The following WNK2 variants were observed in gnomAD, a reference collection of about 807,000 sequenced individuals.
WNK2 encodes the protein WNK lysine deficient protein kinase 2, also known as serine/threonine-protein kinase WNK2.
WNK2 carries 67 observed loss-of-function variants against 192.1 expected under a neutral mutation model. The observed-to-expected ratio is 0.35, with a 90% CI of 0.29 to 0.43. WNK2 has a LOEUF of 0.43. WNK2 is among the 20% of genes least tolerant of loss of function. WNK2 has a pLI of 1.00. For synonymous variants in WNK2, 1,439 were observed against 1,393.9 expected, an observed-to-expected ratio of 1.03 and a Z score of -0.72; for missense variants, 2,698 against 3,089.7, an observed-to-expected ratio of 0.87 and a Z score of 3.01.
chr9:93,202,091 C>G (rs1261051479), intron 2 of WNK2, among the ~76,000 whole-genome samples: 2 of 152,228 alleles, frequency 1.3e-5, no homozygotes, highest in African/African-American at 2.4e-5. Context: ...TACGTAGTTC[C>G]TGGCCTCCAG....
rs1023146880 is a variant in WNK2 at position 93,264,053 on chromosome 9, G to C, written c.3696+20G>C. ...TATATGGTGAGGCTGGGTCTGGGTGGCTTGGCTCCCGGTGTTTCTTGGACA... is the reference window on the plus strand; with the variant it reads ...TATATGGTGAGGCTGGGTCTGGGTGCCTTGGCTCCCGGTGTTTCTTGGACA... On this transcript the variant is annotated intron_variant, in intron 16 of 29. Transcript: ENST00000427277. The C allele has an allele frequency of 1.0e-5, 16 of 1,582,606 alleles. No individual in the cohort carries two copies. The highest frequency in any genetic ancestry group is 1.4e-5 in the Non-Finnish European group (16 of 1,155,648).
intron 2 of WNK2, among the ~76,000 whole-genome samples, chr9:93,202,529 G>A (rs115660609): frequency 0.019 from 2,941 of 152,168 alleles, 93 homozygotes; most frequent in African/African-American, 0.066. Context: ...TGGGAGGGGC[G>A]GGAACTGCTG....
At position 93,184,969 on chromosome 9, in the gene WNK2, C is replaced by G. The variant is rs1298800136; in HGVS notation, c.40C>G (p.Leu14Val). Residue 14 changes from leucine (L) to valine (V), a missense_variant, in exon 2 of 30, where the codon CTG becomes GTG. By Grantham distance (32) the Leu-to-Val change is conservative. Around this residue, in one of 7 missense-constraint regions of WNK2, gnomAD observed 260 missense variants for 285.6 expected, o/e 0.91. Coordinates refer to ENST00000427277, the MANE Select transcript of WNK2 (RefSeq NM_006648.4). ...DGGRRDVPGT[L>V]MEPGRGAGPA... ...CGGCCGCCGAGACGTCCCCGGCACG[C>G]TGATGGAGCCCGGGCGCGGCGCGGG... 7.3e-6 allele frequency: 9 copies of G among 1,237,446 alleles called. No homozygotes were observed. The East Asian group carries it at 2.6e-4, about 35-fold the overall frequency. 76.7% of individuals were successfully genotyped at this position (1,237,446 alleles called of 1,614,324 possible). A position where few individuals can be genotyped will look rare whatever the true frequency, so the allele number is the denominator to read the frequency against.
rs574637507 is a variant in WNK2, at chr9:93,256,167, G to A, written c.2035-132G>A. 7 of 1,139,248 alleles carry A rather than the reference G, an allele frequency of 6.1e-6. No individual in the cohort carries two copies. In the African/African-American group the frequency reaches 8.0e-5, roughly 13 times the overall value. The allele number at this position is 1,139,248 out of a possible 1,614,324, so 70.6% of individuals were successfully genotyped here. Reference sequence around the variant, plus strand: ...CCAGGGCTCCCTCACTGCTTCTGCTGTCATGTTCCTGGGAAGAGGGACCCT... The same window carrying A: ...CCAGGGCTCCCTCACTGCTTCTGCTATCATGTTCCTGGGAAGAGGGACCCT... On this transcript the variant is annotated intron_variant, in intron 9 of 29. Transcript: ENST00000427277.
At chr9:93,265,446 G>C (rs1171005581) in intron 16 of WNK2, among the ~76,000 whole-genome samples, 1 of 152,216 alleles carries the variant, frequency 6.6e-6, no homozygotes, top group African/African-American at 2.4e-5. Flanking sequence ...CTGAAGACAT[G>C]ATGGGGCCTA....
intron 2 of WNK2, among the ~76,000 whole-genome samples, chr9:93,225,560 C>T (rs1837664608): frequency 6.6e-6 from 1 of 152,186 alleles, no homozygotes; most frequent in African/African-American, 2.4e-5. Flanking sequence ...CAGTAGGTAA[C>T]TGCTGTTAAA....
intron 14 of WNK2, 149 bp from the exon 15 acceptor site, chr9:93,263,417 T>G: frequency 1.1e-6 from 1 of 878,296 alleles, no homozygotes; most frequent in Non-Finnish European, 1.6e-6. Context: ...GAAGCAGGCT[T>G]GGGGTATTCG....
At chr9:93,201,392 C>T (rs60142142) in intron 2 of WNK2, among the ~76,000 whole-genome samples, 14,008 of 152,292 alleles carry the variant, frequency 0.092, 833 homozygotes, top group Non-Finnish European at 0.13. Context: ...CCCCTGCGTG[C>T]CTTCCTGGTT....
chr9:93,255,919 A>G (rs1843218551), intron 9 of WNK2, among the ~76,000 whole-genome samples: 1 of 152,030 alleles, frequency 6.6e-6, no homozygotes, highest in South Asian at 2.1e-4. Context: ...TTCTCTCCAT[A>G]TCGTCTGTGA....
intron 8 of WNK2, among the ~76,000 whole-genome samples, chr9:93,248,151 G>C (rs992348328): frequency 6.6e-6 from 1 of 152,246 alleles, no homozygotes; most frequent in African/African-American, 2.4e-5. Flanking sequence ...CTTCCAGGGT[G>C]GTGGGGCCAG....
chr9:93,220,571 C>G (rs765078416), intron 2 of WNK2, among the ~76,000 whole-genome samples: 1 of 152,184 alleles, frequency 6.6e-6, no homozygotes, highest in Non-Finnish European at 1.5e-5. Flanking sequence ...GATGGCGTGT[C>G]ACTGCTGTTG....
At chr9:93,192,354 T>C (rs2131012334) in intron 2 of WNK2, among the ~76,000 whole-genome samples, 1 of 149,648 alleles carries the variant, frequency 6.7e-6, no homozygotes, top group Non-Finnish European at 1.5e-5. Flanking sequence ...GGAATCATGG[T>C]GTGGCAGCAG....
chr9:93,184,449 C>CCCCCTCCCCGCGCG (rs1828882729), intron 1 of WNK2, among the ~76,000 whole-genome samples, 64 bp downstream of exon 1: 2 of 151,754 alleles, frequency 1.3e-5, no homozygotes, highest in Non-Finnish European at 1.5e-5. Flanking sequence ...GGCGCTGCAG[C>CCCCCTCCCCGCGCG]CCCCTCCCCG....
chr9:93,306,602 CCTCT>C (rs1296880484), intron 26 of WNK2, 171 bp from the exon 27 acceptor site: 7 of 752,574 alleles, frequency 9.3e-6, no homozygotes, highest in Non-Finnish European at 1.6e-5. Context: ...GAGCCTGCAC[CCTCT>C]CTCCAGGGGC....
chr9:93,259,466 C>A lies in WNK2; in HGVS notation c.2918C>A (p.Thr973Lys). ...CAACCTGTGTTGCCCCCGCAACCCA[C>A]ACGGCCCCCTCAACCTGTGCTGCCC... Reference protein sequence around the residue: ...PPQPVLPPQPTRPPQPVLPPQ... With the variant: ...PPQPVLPPQPKRPPQPVLPPQ... The change falls in exon 12 of 30, where the codon ACA becomes AAA. Residue 973 changes from threonine to lysine, a missense_variant. Transcript: ENST00000427277. The surrounding 1 kb of genome is among the most constrained non-coding windows in gnomAD (Gnocchi z 4.8). The A allele has an allele frequency of 1.3e-6, 2 of 1,484,280 alleles. No individual in the cohort carries two copies. The highest frequency in any genetic ancestry group is 1.8e-6 in the Non-Finnish European group (2 of 1,120,308). 91.9% of individuals were successfully genotyped at this position (1,484,280 alleles called of 1,614,324 possible).
chr9:93,206,082 A>G (rs1056619074), intron 2 of WNK2, among the ~76,000 whole-genome samples: 1 of 152,134 alleles, frequency 6.6e-6, no homozygotes, highest in Non-Finnish European at 1.5e-5. Context: ...CATTTTATAG[A>G]TGAGGAAACT....
rs1163752017 is a variant in WNK2, at chr9:93,269,006, G to A, written c.4033+260G>A. 4 of 1,452,586 alleles carry A rather than the reference G, an allele frequency of 2.8e-6. No individual in the cohort carries two copies. The East Asian group carries it at 9.9e-5, about 36-fold the overall frequency. The allele number at this position is 1,452,586 out of a possible 1,614,324, so 90.0% of individuals were successfully genotyped here. A position where few individuals can be genotyped will look rare whatever the true frequency, so the allele number is the denominator to read the frequency against. On this transcript the variant is annotated intron_variant, in intron 19 of 29. Coordinates refer to ENST00000427277, the MANE Select transcript of WNK2 (RefSeq NM_006648.4). ...AGGTGGCTCGCATGGCCATATAGGTGTGTGTTGAAGAGCTCCGCTGTCCTT... is the reference window on the plus strand; with the variant it reads ...AGGTGGCTCGCATGGCCATATAGGTATGTGTTGAAGAGCTCCGCTGTCCTT...
At chr9:93,202,957 A>T (rs984732936) in intron 2 of WNK2, among the ~76,000 whole-genome samples, 1 of 152,046 alleles carries the variant, frequency 6.6e-6, no homozygotes, top group African/African-American at 2.4e-5. Context: ...TTTGCGAGGC[A>T]CCCAGGCTGG....
At chr9:93,238,209 G>T (rs1373729502) in intron 5 of WNK2, 24 bp from the exon 6 acceptor site, 1 of 1,612,958 alleles carries the variant, frequency 6.2e-7, no homozygotes, top group Non-Finnish European at 8.5e-7. Flanking sequence ...ATCGGGTCAG[G>T]TAACTCTGCT....
Sources: gnomAD v4.1 joint callset for allele counts (sites outside exome capture counted in the v4.1 genomes callset) on GRCh38, gnomAD v4.1.1 for gene constraint, gnomAD v4.1.1 regional missense constraint, Gnocchi (gnomAD v3.1) non-coding constraint, MANE v1.5 for transcripts, NCBI Gene and HGNC (gene_info 2026-07-23, HGNC 2026-07-21) for gene names.